Variants in SASH1 observed in about 807,000 individuals in gnomAD.
SASH1 encodes SAM and SH3 domain-containing protein 1.
Under a neutral mutation model 125.2 loss-of-function variants are expected in SASH1, and 44 were observed. The observed-to-expected ratio is 0.35, with a 90% CI of 0.28 to 0.45. The LOEUF (loss-of-function observed/expected upper bound fraction) is 0.45. Among genes scored for constraint, SASH1 ranks in the 20% least tolerant of loss-of-function variants. SASH1 has a pLI of 1.00. For missense variants in SASH1, 1,426 were observed against 1,614.5 expected (o/e 0.88, Z 2.00); for synonymous variants, 639 against 649.1 (o/e 0.98, Z 0.24).
At chr6:148,291,925 G>A (rs1387321559) in intron 1 of SASH1, among the ~76,000 whole-genome samples, 3 of 152,154 alleles carry the variant, frequency 2.0e-5, no homozygotes, top group Admixed American at 2.0e-4. Context: ...GAAGATGGAA[G>A]AGCTTAGAGC....
At chr6:148,398,059 T>C (rs1243618876) in intron 2 of SASH1, among the ~76,000 whole-genome samples, 2 of 151,424 alleles carry the variant, frequency 1.3e-5, no homozygotes, top group Non-Finnish European at 2.9e-5. Context: ...CCGTGGGGAG[T>C]AACTTCAGGG....
At chr6:148,525,240 G>T (rs566429418) in intron 10 of SASH1, 51 bp from the exon 11 acceptor site, 8 of 1,438,920 alleles carry the variant, frequency 5.6e-6, no homozygotes, top group African/African-American at 1.4e-5. Flanking sequence ...GTGCACTGCC[G>T]GCTGGCTTAA....
intron 1 of SASH1, among the ~76,000 whole-genome samples, chr6:148,388,223 G>T (rs1335872309): frequency 2.6e-5 from 4 of 152,152 alleles, no homozygotes; most frequent in African/African-American, 9.7e-5. Flanking sequence ...CCCAGGTTCT[G>T]TTTTCAGGCA....
chr6:148,523,737 G>A (rs1780954706), intron 10 of SASH1, among the ~76,000 whole-genome samples: 1 of 152,032 alleles, frequency 6.6e-6, no homozygotes, highest in African/African-American at 2.4e-5. Context: ...AGATTGTAAG[G>A]CCCAGAACAA....
In SASH1 at chr6:148,534,841, A is replaced by T. The variant is rs1396832425; in HGVS notation, c.2035A>T (p.Arg679Trp). The part of the protein sequence containing the change: ...EEEDLDELNI[R>W]DPEHRAVLLT... ...GGAAGACTTGGATGAGTTAAATATC[A>T]GGGACCCGGAACACAGAGCTGTTCT... The change falls in exon 16 of 20, where the codon AGG (arginine) becomes TGG (tryptophan). Residue 679 changes from arginine (R) to tryptophan (W), a missense_variant. This residue lies in a region of SASH1 where 225 missense variants were observed against 344.5 expected (regional missense o/e 0.65). Transcript: ENST00000367467. The T allele has an allele frequency of 6.2e-7, 1 of 1,614,220 alleles. No homozygotes were observed. The highest frequency in any genetic ancestry group is 1.1e-5 in the South Asian group (1 of 91,082).
intron 8 of SASH1, among the ~76,000 whole-genome samples, chr6:148,501,188 T>C (rs1779545903): frequency 6.6e-6 from 1 of 152,148 alleles, no homozygotes; most frequent in Non-Finnish European, 1.5e-5. Flanking sequence ...CCATCAGTTC[T>C]CTGTATTTCT....
intron 4 of SASH1, among the ~76,000 whole-genome samples, chr6:148,455,849 G>T (rs1352003182): frequency 1.3e-5 from 2 of 152,212 alleles, no homozygotes; most frequent in African/African-American, 4.8e-5. Context: ...GTCTGGAGGG[G>T]TTGTTGGTCA....
At chr6:148,424,813 T>C (rs1369858536) in intron 2 of SASH1, among the ~76,000 whole-genome samples, 1 of 152,210 alleles carries the variant, frequency 6.6e-6, no homozygotes, top group Non-Finnish European at 1.5e-5. Flanking sequence ...CTGAGCAGCC[T>C]TCTTTGGACC....
intron 1 of SASH1, among the ~76,000 whole-genome samples, chr6:148,323,376 G>T (rs1780706068): frequency 6.6e-6 from 1 of 152,168 alleles, no homozygotes; most frequent in African/African-American, 2.4e-5. Context: ...TTCTGACATA[G>T]TTCTAGCTAG....
intron 8 of SASH1, among the ~76,000 whole-genome samples, chr6:148,511,189 C>CT (rs1780104051): frequency 6.6e-6 from 1 of 151,042 alleles, no homozygotes; most frequent in Non-Finnish European, 1.5e-5. Flanking sequence ...TTTCACAACG[C>CT]TTTTTTCCTC....
At chr6:148,276,804 G>A (rs751870286) in intron 1 of SASH1, among the ~76,000 whole-genome samples, 27 of 152,210 alleles carry the variant, frequency 1.8e-4, no homozygotes, top group Non-Finnish European at 2.5e-4. Flanking sequence ...AATCATGGTA[G>A]CCTGACACAG....
the SASH1 span, among the ~76,000 whole-genome samples, chr6:148,200,627 A>C: frequency 4.6e-5 from 7 of 152,206 alleles, no homozygotes; most frequent in Non-Finnish European, 7.3e-5. Context: ...CTCCTTTAGT[A>C]GTTATTTTAA....
rs986427944 is a variant in SASH1 at position 148,343,330 on chromosome 6, G to C, written c.156+107G>C. The C allele has an allele frequency of 9.6e-6, 10 of 1,043,228 alleles. No homozygotes were observed. In the African/African-American group the frequency reaches 1.6e-4, roughly 17 times the overall value. The allele number at this position is 1,043,228 out of a possible 1,614,324, so 64.6% of individuals were successfully genotyped here. On this transcript the variant is annotated intron_variant, in intron 1 of 19. Transcript: ENST00000367467. ...CCCACTGGGCAACCCACTCCGCAGA[G>C]GCGTCCTTCTCTGGCTCTAGTTCTT...
intron 1 of SASH1, among the ~76,000 whole-genome samples, chr6:148,388,322 T>C (rs1384059620): frequency 6.6e-6 from 1 of 152,174 alleles, no homozygotes; most frequent in African/African-American, 2.4e-5. Flanking sequence ...GATTCTATCT[T>C]GACCTTTGTT....
chr6:148,490,021 A>C (rs1779035578), intron 8 of SASH1, among the ~76,000 whole-genome samples: 1 of 145,604 alleles, frequency 6.9e-6, no homozygotes, highest in Non-Finnish European at 1.5e-5. Context: ...TTTAAAAAAA[A>C]AAAAAAAAAA....
chr6:148,244,949 TGTGTGTGTGTGAGA>T, the SASH1 span, among the ~76,000 whole-genome samples: 1 of 133,796 alleles, frequency 7.5e-6, no homozygotes, highest in African/African-American at 2.6e-5. Context: ...TGTGTGTGTG[TGTGTGTGTGTGAGA>T]GAGAGAGAGA....
rs767799468 is a variant in SASH1, at chr6:148,534,736, T to G, written c.1945-15T>G. The G allele has an allele frequency of 5.6e-5, 90 of 1,614,020 alleles. No individual in the cohort carries two copies. Among genetic ancestry groups the G allele is most frequent in the Middle Eastern group, 3.3e-4 (2 of 6,064 alleles). On this transcript the variant is annotated splice_polypyrimidine_tract_variant and intron_variant, in intron 15 of 19. Coordinates refer to ENST00000367467, the MANE Select transcript of SASH1 (RefSeq NM_015278.5). ...GCTGGCTGACACCCTTCTGTCTTCC[T>G]TCTCCCTCTCACAGGAGCACATGCC...
chr6:148,429,014 A>G (rs1039432464), intron 2 of SASH1, among the ~76,000 whole-genome samples: 2 of 152,194 alleles, frequency 1.3e-5, no homozygotes, highest in African/African-American at 2.4e-5. Context: ...AGAGTTAGGT[A>G]TGGATGAAGA....
intron 1 of SASH1, among the ~76,000 whole-genome samples, chr6:148,294,156 G>A (rs1338981625): frequency 2.0e-5 from 3 of 152,202 alleles, no homozygotes; most frequent in Non-Finnish European, 2.9e-5. Context: ...CTAAAGAGGC[G>A]TGCTTGGATT....
Sources: allele counts gnomAD v4.1 joint callset (sites outside exome capture counted in the v4.1 genomes callset), GRCh38; gene constraint gnomAD v4.1.1; regional missense constraint gnomAD v4.1.1; transcripts MANE v1.5; gene names NCBI Gene and HGNC (gene_info 2026-07-23, HGNC 2026-07-21).